The following UNC5C variants were observed in gnomAD, a reference collection of about 807,000 sequenced individuals.
UNC5C encodes the protein unc-5 netrin receptor C, also known as netrin receptor UNC5C.
In UNC5C, 47 loss-of-function variants were observed where a neutral mutation model predicts 99.8. That is an observed-to-expected ratio of 0.47 (90% CI 0.37 to 0.60). The LOEUF is 0.60. Ranked by LOEUF, UNC5C falls within the 20% of genes least tolerant of loss-of-function variation. UNC5C has a pLI of 0.00. For synonymous variants in UNC5C, 487 were observed against 452.2 expected (o/e 1.08, Z -0.98); for missense variants, 1,062 against 1,165.9 (o/e 0.91, Z 1.30).
At chr4:95,287,620 G>T (rs1003301704) in intron 3 of UNC5C, among the ~76,000 whole-genome samples, 1 of 152,136 alleles carries the variant, frequency 6.6e-6, no homozygotes, top group East Asian at 1.9e-4. Flanking sequence ...CTTTTCTCCA[G>T]AGTCTGGATT....
chr4:95,458,233 T>C (rs1747500396), intron 1 of UNC5C, among the ~76,000 whole-genome samples: 1 of 152,080 alleles, frequency 6.6e-6, no homozygotes. Flanking sequence ...AGAGTGAGTC[T>C]GTCCCATTGT....
intron 1 of UNC5C, among the ~76,000 whole-genome samples, chr4:95,400,290 A>G (rs942326694): frequency 4.0e-5 from 6 of 151,896 alleles, no homozygotes; most frequent in African/African-American, 1.5e-4. Context: ...AGAGAGGAGA[A>G]ATGTCAAGGA....
intron 9 of UNC5C, among the ~76,000 whole-genome samples, chr4:95,218,028 G>A (rs1738326297): frequency 6.6e-6 from 1 of 152,158 alleles, no homozygotes. Flanking sequence ...AAGAGTGAAT[G>A]ACAGGAAGAA....
intron 1 of UNC5C, among the ~76,000 whole-genome samples, chr4:95,546,869 T>C (rs921684160): frequency 6.6e-6 from 1 of 152,222 alleles, no homozygotes; most frequent in Non-Finnish European, 1.5e-5. Flanking sequence ...TATCTCTTGT[T>C]TGGCATCTTT....
chr4:95,183,182 C>T (rs1736687964), intron 13 of UNC5C, 121 bp from the exon 14 acceptor site: 3 of 985,520 alleles, frequency 3.0e-6, no homozygotes, highest in East Asian at 5.0e-5. Context: ...CTCACAACAG[C>T]CCTATGTTTA....
At chr4:95,261,197 A>G (rs1740212515) in intron 4 of UNC5C, among the ~76,000 whole-genome samples, 2 of 152,060 alleles carry the variant, frequency 1.3e-5, no homozygotes, top group African/African-American at 4.8e-5. Flanking sequence ...CTACTCCAGG[A>G]CTTGGGTTGA....
At chr4:95,236,341 C>A (rs1441253874) in intron 7 of UNC5C, among the ~76,000 whole-genome samples, 1 of 151,528 alleles carries the variant, frequency 6.6e-6, no homozygotes, top group Admixed American at 6.6e-5. Context: ...GGACAAAAAA[C>A]CAAACATCGC....
intron 1 of UNC5C, among the ~76,000 whole-genome samples, chr4:95,406,597 A>G (rs753626783): frequency 6.6e-6 from 1 of 152,236 alleles, no homozygotes; most frequent in Non-Finnish European, 1.5e-5. Context: ...AATAGGTTGT[A>G]TAACAAAACT....
chr4:95,297,562 A>AC (rs1345302880), intron 3 of UNC5C, among the ~76,000 whole-genome samples: 1 of 152,184 alleles, frequency 6.6e-6, no homozygotes. Context: ...TTTACGAGTG[A>AC]ATATAATTGA....
intron 14 of UNC5C, among the ~76,000 whole-genome samples, chr4:95,178,863 G>GAAAC (rs1354590464): frequency 6.6e-6 from 1 of 151,996 alleles, no homozygotes; most frequent in Non-Finnish European, 1.5e-5. Context: ...CTGTGTAGAT[G>GAAAC]AAACAAGCTC....
intron 2 of UNC5C, among the ~76,000 whole-genome samples, chr4:95,324,139 C>A (rs79608855): frequency 2.6e-5 from 4 of 152,138 alleles, no homozygotes; most frequent in Non-Finnish European, 4.4e-5. Context: ...GGCCAGGGAC[C>A]AGTACTGGAA....
At chr4:95,382,627 A>G (rs894148255) in intron 1 of UNC5C, among the ~76,000 whole-genome samples, 1 of 152,190 alleles carries the variant, frequency 6.6e-6, no homozygotes, top group Admixed American at 6.6e-5. Context: ...TTGAGAAGGC[A>G]TAATTGACCC....
intron 1 of UNC5C, among the ~76,000 whole-genome samples, chr4:95,455,610 A>G (rs1438974644): frequency 6.6e-6 from 1 of 152,026 alleles, no homozygotes; most frequent in Non-Finnish European, 1.5e-5. Flanking sequence ...CCTGGGAGAC[A>G]GGGCAAGACT....
At chr4:95,222,802 A>G (rs1446351591) in intron 7 of UNC5C, among the ~76,000 whole-genome samples, 1 of 151,998 alleles carries the variant, frequency 6.6e-6, no homozygotes, top group Admixed American at 6.6e-5. Flanking sequence ...TCTCAAATCT[A>G]CTTTTTGGAT....
intron 1 of UNC5C, among the ~76,000 whole-genome samples, chr4:95,469,159 A>T (rs1747888509): frequency 6.6e-6 from 1 of 151,980 alleles, no homozygotes; most frequent in Non-Finnish European, 1.5e-5. Context: ...CTTTTGCGGC[A>T]TTTCTTCGTT....
chr4:95,263,693 A>T (rs1338979007), intron 4 of UNC5C, among the ~76,000 whole-genome samples: 1 of 152,200 alleles, frequency 6.6e-6, no homozygotes, highest in East Asian at 1.9e-4. Flanking sequence ...AGTCACATAA[A>T]ATCACTCAAC....
chr4:95,380,442 C>T (rs1745035902), intron 1 of UNC5C, among the ~76,000 whole-genome samples: 1 of 126,946 alleles, frequency 7.9e-6, no homozygotes, highest in African/African-American at 3.2e-5. Flanking sequence ...ACTTAAGAAA[C>T]ATTTTTTTTT....
At chr4:95,409,896 C>T (rs112372381) in intron 1 of UNC5C, among the ~76,000 whole-genome samples, 2,202 of 152,002 alleles carry the variant, frequency 0.014, 57 homozygotes, top group African/African-American at 0.049. Flanking sequence ...CCTCTATGTG[C>T]GCCTAGGGCT....
At chr4:95,282,629 G>A (rs754059289) in intron 3 of UNC5C, among the ~76,000 whole-genome samples, 1 of 152,162 alleles carries the variant, frequency 6.6e-6, no homozygotes, top group Non-Finnish European at 1.5e-5. Flanking sequence ...GTAGAAATAT[G>A]ATTGGACAAA....
Sources: allele counts gnomAD v4.1 joint callset (sites outside exome capture counted in the v4.1 genomes callset), GRCh38; gene constraint gnomAD v4.1.1; transcripts MANE v1.5; gene names NCBI Gene and HGNC (gene_info 2026-07-23, HGNC 2026-07-21).